RYR2: variants seen among roughly 807,000 people sequenced by gnomAD.
The protein encoded by RYR2 is cardiac muscle ryanodine receptor-calcium release channel.
A neutral mutation model predicts 601.1 loss-of-function variants in RYR2; 227 were observed. The ratio of observed to expected loss-of-function variants is 0.38; its 90% CI spans 0.34 to 0.42. The LOEUF (loss-of-function observed/expected upper bound fraction) is 0.42, where lower values mean the gene tolerates loss of function less well. RYR2 is among the 10% of genes least tolerant of loss of function. The probability of loss-of-function intolerance (pLI) is 1.00; values close to 1 mark genes in which losing one functional copy is unlikely to be tolerated. For synonymous variants in RYR2, 2,223 were observed against 2,175.1 expected, an observed-to-expected ratio of 1.02 and a Z score of -0.61; for missense variants, 4,646 against 6,156.5, an observed-to-expected ratio of 0.75 and a Z score of 8.21.
rs777132279 is a variant in RYR2 at position 237,784,639 on chromosome 1, T to A, written c.12927T>A (p.Ile4309=). ...ASVFRGFFRI[I]CSLLLGGSLV... ...TTTTCAGAGGCTTTTTCCGCATCAT[T>A]TGCAGCCTGCTGCTTGGGGGAAGCC... is the stretch of plus-strand genomic sequence containing the variant. The change falls in exon 90 of 105, where the codon ATT becomes ATA. Residue 4309 remains isoleucine, a synonymous_variant. Transcript: ENST00000366574. The surrounding 1 kb of genome is among the most constrained non-coding windows in gnomAD (Gnocchi z 7.1). The A allele has an allele frequency of 3.7e-6, 6 of 1,613,560 alleles. No individual in the cohort carries two copies. In the African/African-American group the frequency reaches 8.0e-5, roughly 22 times the overall value.
intron 37 of RYR2, among the ~76,000 whole-genome samples, chr1:237,616,484 A>G (rs1226514855): frequency 6.6e-6 from 1 of 152,172 alleles, no homozygotes; most frequent in Non-Finnish European, 1.5e-5. Flanking sequence ...CCAGATCTTA[A>G]TATTTTTCTG....
chr1:237,693,083 C>T (rs928781498), intron 63 of RYR2, among the ~76,000 whole-genome samples: 5 of 152,154 alleles, frequency 3.3e-5, no homozygotes, highest in African/African-American at 9.7e-5. Context: ...TACTATGAGA[C>T]AAGTGCTAAG....
intron 35 of RYR2, among the ~76,000 whole-genome samples, chr1:237,606,503 C>T (rs1403042371): frequency 2.6e-5 from 4 of 152,110 alleles, no homozygotes; most frequent in Non-Finnish European, 5.9e-5. Flanking sequence ...AGGACATAGG[C>T]GTGGGCAAGG....
Position 237,635,573 on chromosome 1 carries a change from T to A in RYR2, c.6792+581T>A, listed in dbSNP as rs1019691927. ...AGAGAAACTTTCCCTGTATTGTAGT[T>A]GCAATAGCATTCCAAGTAGTCACCT... is the stretch of plus-strand genomic sequence containing the variant. On this transcript the variant is annotated intron_variant, in intron 44 of 104. Coordinates refer to ENST00000366574, the MANE Select transcript of RYR2 (RefSeq NM_001035.3). Among the ~76,000 whole-genome samples the A allele has an allele frequency of 2.0e-5, 3 of 152,230 alleles. No individual in the cohort carries two copies. In the East Asian group the frequency reaches 5.8e-4, roughly 29 times the overall value.
chr1:237,754,154 G>T (rs1382805019), intron 80 of RYR2, among the ~76,000 whole-genome samples: 112 of 142,296 alleles, frequency 7.9e-4, no homozygotes, highest in Admixed American at 1.4e-3. Context: ...TTGGCTCAAT[G>T]TTTTTTTTTT....
At chr1:237,468,945 T>G in intron 16 of RYR2, 147 bp from the exon 17 acceptor site, 1 of 600,892 alleles carries the variant, frequency 1.7e-6, no homozygotes, top group East Asian at 2.8e-5. Flanking sequence ...GTGTTGTATA[T>G]GTACGTGTAT....
rs1387651097 is a variant in RYR2 at position 237,493,058 on chromosome 1, G to A, written c.1932G>A (p.Leu644=). The A allele has an allele frequency of 3.7e-6, 6 of 1,613,580 alleles. No homozygotes were observed. The South Asian group carries it at 5.5e-5, about 15-fold the overall frequency. The change falls in exon 19 of 105, where the codon TTG becomes TTA. Residue 644 remains leucine (L), a synonymous_variant. Coordinates refer to ENST00000366574, the MANE Select transcript of RYR2 (RefSeq NM_001035.3). ...DNLLPGRDLL[L]QTRLVNHVSS... is the part of the protein sequence containing the mutation. ...TCCTACCAGGAAGAGACTTGTTATT[G>A]CAGACACGTCTTGTGAACCATGTCA...
intron 27 of RYR2, among the ~76,000 whole-genome samples, chr1:237,552,825 A>G (rs2618656): frequency 0.9 from 136,091 of 151,856 alleles, 61,941 homozygotes; most frequent in East Asian, 0.97. Context: ...GGTGATTATG[A>G]ATAAGGCTGC....
intron 95 of RYR2, among the ~76,000 whole-genome samples, chr1:237,794,836 T>G (rs552618576): frequency 6.6e-5 from 10 of 152,310 alleles, no homozygotes; most frequent in Admixed American, 5.2e-4. Flanking sequence ...AAACTCTCTA[T>G]GTATTAGTGA....
chr1:237,272,247 C>A (rs1689764662), intron 2 of RYR2, among the ~76,000 whole-genome samples: 2 of 152,078 alleles, frequency 1.3e-5, no homozygotes, highest in African/African-American at 4.8e-5. Context: ...ATGTAAAACT[C>A]CCTTACAGGT....
intron 1 of RYR2, among the ~76,000 whole-genome samples, chr1:237,160,758 T>C (rs1015575420): frequency 6.6e-6 from 1 of 152,126 alleles, no homozygotes; most frequent in Non-Finnish European, 1.5e-5. Context: ...TAATAGATAG[T>C]TTTTAAAAAA....
At chr1:237,107,787 TG>T (rs1305584778) in intron 1 of RYR2, among the ~76,000 whole-genome samples, 1 of 152,208 alleles carries the variant, frequency 6.6e-6, no homozygotes, top group Admixed American at 6.5e-5. Context: ...CACGGTGTCC[TG>T]CAGCCTTAGT....
intron 35 of RYR2, among the ~76,000 whole-genome samples, chr1:237,608,475 A>C (rs569999976): frequency 6.6e-6 from 1 of 152,248 alleles, no homozygotes; most frequent in Admixed American, 6.5e-5. Context: ...GGAAGGAGGA[A>C]TCACTTGAGC....
intron 1 of RYR2, among the ~76,000 whole-genome samples, chr1:237,144,705 A>T (rs763293452): frequency 2.6e-5 from 4 of 152,134 alleles, no homozygotes; most frequent in Non-Finnish European, 4.4e-5. Context: ...ATTTGTCTTC[A>T]TACTATAGGT....
intron 29 of RYR2, among the ~76,000 whole-genome samples, chr1:237,572,055 A>G (rs1672754498): frequency 6.6e-6 from 1 of 152,116 alleles, no homozygotes; most frequent in South Asian, 2.1e-4. Context: ...CATTTTTTCT[A>G]ACTATTTTTA....
intron 24 of RYR2, among the ~76,000 whole-genome samples, chr1:237,519,286 A>C (rs1666862856): frequency 6.6e-6 from 1 of 152,166 alleles, no homozygotes; most frequent in African/African-American, 2.4e-5. Flanking sequence ...TAGTTTAAAT[A>C]GGTCTTGTTT....
intron 5 of RYR2, among the ~76,000 whole-genome samples, chr1:237,367,363 A>G (rs1193303965): frequency 6.6e-6 from 1 of 151,966 alleles, no homozygotes; most frequent in Non-Finnish European, 1.5e-5. Context: ...AAGTTCTGGG[A>G]TTACAAGCGT....
chr1:237,784,572 A>C lies in RYR2; in HGVS notation c.12860A>C (p.Tyr4287Ser). 1 of 1,613,864 alleles carries C rather than the reference A, an allele frequency of 6.2e-7. No homozygotes were observed. The highest frequency in any genetic ancestry group is 8.5e-7 in the Non-Finnish European group (1 of 1,179,838). The change falls in exon 90 of 105, where the codon TAC becomes TCC. Residue 4287 changes from tyrosine to serine, a missense_variant. Coordinates refer to ENST00000366574, the MANE Select transcript of RYR2 (RefSeq NM_001035.3). This position sits in a 1 kb window ranked among gnomAD's most constrained non-coding sequence, Gnocchi z 7.1. ...ATGGTCACGGCCTTCTTTTCATCCT[A>C]CTGGAGTATTTTCATGACCCTCTTG... is the stretch of plus-strand genomic sequence containing the variant. ...KDMVTAFFSS[Y>S]WSIFMTLLHF...
intron 1 of RYR2, among the ~76,000 whole-genome samples, chr1:237,231,538 A>G (rs1040496903): frequency 1.3e-5 from 2 of 152,192 alleles, no homozygotes; most frequent in African/African-American, 4.8e-5. Context: ...GACATGGCTT[A>G]TTAAAATAAA....
Sources: gnomAD v4.1 joint callset for allele counts (sites outside exome capture counted in the v4.1 genomes callset) on GRCh38, gnomAD v4.1.1 for gene constraint, Gnocchi (gnomAD v3.1) non-coding constraint, MANE v1.5 for transcripts, NCBI Gene and HGNC (gene_info 2026-07-23, HGNC 2026-07-21) for gene names.